The following PRDM2 variants were observed in gnomAD, a reference collection of about 807,000 sequenced individuals.
PRDM2 encodes the protein PR domain zinc finger protein 2.
A neutral mutation model predicts 130.0 loss-of-function variants in PRDM2; 30 were observed. That is an observed-to-expected ratio of 0.23 (90% CI 0.17 to 0.31). The LOEUF (loss-of-function observed/expected upper bound fraction) is 0.31, where lower values mean the gene tolerates loss of function less well. Ranked by LOEUF, PRDM2 falls within the 10% of genes least tolerant of loss-of-function variation. The probability of loss-of-function intolerance (pLI) is 1.00; values close to 1 mark genes in which losing one functional copy is unlikely to be tolerated. For missense variants in PRDM2, 2,011 were observed against 2,108.4 expected, an observed-to-expected ratio of 0.95 and a Z score of 0.90; for synonymous variants, 871 against 782.4, an observed-to-expected ratio of 1.11 and a Z score of -1.89.
At chr1:13,745,825 T>C (rs1002901752) in intron 5 of PRDM2, among the ~76,000 whole-genome samples, 11 of 152,262 alleles carry the variant, frequency 7.2e-5, no homozygotes, top group Non-Finnish European at 1.5e-4. Flanking sequence ...TCTGCAGGGA[T>C]GGATGAGTTT....
In PRDM2 at chr1:13,810,774, G is replaced by A. The variant is rs907085804; in HGVS notation, c.5037-5653G>A. 5.3e-5 allele frequency among the ~76,000 whole-genome samples: 8 copies of A among 152,138 alleles called. 1 individual carries two copies. In the South Asian group the frequency reaches 1.2e-3, roughly 24 times the overall value. ...CTCCCAAAGCACTGGGATTACAGGC[G>A]TGAGCCACCGCACCTGGCTGAAAGC... On this transcript the variant is annotated intron_variant, in intron 8 of 9. Coordinates refer to ENST00000311066, the MANE Select transcript of PRDM2 (RefSeq NM_001393986.1).
Position 13,754,690 on chromosome 1 carries a change from C to T in PRDM2, c.511+5203C>T, listed in dbSNP as rs112806475. 1.6e-4 allele frequency among the ~76,000 whole-genome samples: 24 copies of T among 152,354 alleles called. 1 individual carries two copies. The highest frequency in any genetic ancestry group is 5.5e-4 in the African/African-American group (23 of 41,574). On this transcript the variant is annotated intron_variant, in intron 6 of 9. Transcript: ENST00000311066. ...CAGCAGCTCTGTTTCAGGCTCTAAGCTGAATGACAGAGGCCTGGCTGTGGT... is the reference window on the plus strand; with the variant it reads ...CAGCAGCTCTGTTTCAGGCTCTAAGTTGAATGACAGAGGCCTGGCTGTGGT...
intron 6 of PRDM2, among the ~76,000 whole-genome samples, chr1:13,754,975 G>C (rs1193877123): frequency 6.6e-6 from 1 of 152,112 alleles, no homozygotes; most frequent in Non-Finnish European, 1.5e-5. Context: ...CTGCCTCCTA[G>C]CTGAGGGTGC....
intron 1 of PRDM2, among the ~76,000 whole-genome samples, chr1:13,713,116 C>T (rs1023665570): frequency 1.4e-5 from 2 of 139,450 alleles, no homozygotes; most frequent in African/African-American, 5.5e-5. Context: ...CTTCTCTGAC[C>T]ACACTGTTGA....
Position 13,789,913 on chromosome 1 carries a change from C to T in PRDM2, c.5036+7082C>T, listed in dbSNP as rs564692433. ...ATGGCCTCTTTCCTGCCTGATGGCA[C>T]CACTCCTGCAGCTGCCGCTTCAGGC... is the stretch of plus-strand genomic sequence containing the variant. On this transcript the variant is annotated intron_variant, in intron 8 of 9. Coordinates refer to ENST00000311066, the MANE Select transcript of PRDM2 (RefSeq NM_001393986.1). Among the ~76,000 whole-genome samples the T allele has an allele frequency of 2.0e-5, 3 of 152,352 alleles. No individual in the cohort carries two copies. The South Asian group carries it at 6.2e-4, about 32-fold the overall frequency.
rs1410305627 is a variant in PRDM2 at position 13,764,589 on chromosome 1, A to G, written c.512-8489A>G. On this transcript the variant is annotated intron_variant, in intron 6 of 9. Transcript: ENST00000311066. ...GAAAGCCTTTTTCTGACAGCATAAA[A>G]GCTCGGACTCCCTTCCGATGGATCT... 3.9e-5 allele frequency among the ~76,000 whole-genome samples: 6 copies of G among 152,366 alleles called. No homozygotes were observed. The East Asian group carries it at 1.2e-3, about 29-fold the overall frequency.
chr1:13,819,031 A>C (rs1645304616), intron 9 of PRDM2, among the ~76,000 whole-genome samples: 1 of 152,230 alleles, frequency 6.6e-6, no homozygotes, highest in Non-Finnish European at 1.5e-5. Context: ...AGGCCATGCC[A>C]GGATGAACAA....
At position 13,773,266 on chromosome 1, in the gene PRDM2, G is replaced by A. The variant is rs544623410; in HGVS notation, c.622+78G>A. Reference sequence around the variant, plus strand: ...ATTTAACTTTGTATCTCTTTATATTGTCCTTCTGAGAATCATTTAGGATCT... The same window carrying A: ...ATTTAACTTTGTATCTCTTTATATTATCCTTCTGAGAATCATTTAGGATCT... On this transcript the variant is annotated intron_variant, in intron 7 of 9. Transcript: ENST00000311066. The A allele has an allele frequency of 5.9e-6, 5 of 849,222 alleles. No individual in the cohort carries two copies. The South Asian group carries it at 1.2e-4, about 20-fold the overall frequency. The allele number at this position is 849,222 out of a possible 1,614,324, so 52.6% of individuals were successfully genotyped here.
chr1:13,758,472 A>C (rs1158098359), intron 6 of PRDM2, among the ~76,000 whole-genome samples: 2 of 151,124 alleles, frequency 1.3e-5, no homozygotes. Flanking sequence ...AAAAGTAAGT[A>C]GTTAACACCC....
Position 13,824,857 on chromosome 1 carries a change from G to A in PRDM2, c.*1722G>A, listed in dbSNP as rs1169415029. ...CAGCCCATGGTGAGCTCTGGGAAGT[G>A]TGGTTGAGGCCTTGGGGTCACTCCT... On this transcript the variant is annotated 3_prime_UTR_variant, in exon 10 of 10. Coordinates refer to ENST00000311066, the MANE Select transcript of PRDM2 (RefSeq NM_001393986.1). 1 of 152,660 alleles carries A rather than the reference G, an allele frequency of 6.6e-6. No homozygotes were observed. Among genetic ancestry groups the A allele is most frequent in the Non-Finnish European group, 1.5e-5 (1 of 68,048 alleles). 9.5% of individuals were successfully genotyped at this position (152,660 alleles called of 1,614,324 possible).
intron 6 of PRDM2, among the ~76,000 whole-genome samples, chr1:13,765,904 C>G (rs1644215968): frequency 6.6e-6 from 1 of 152,144 alleles, no homozygotes; most frequent in South Asian, 2.1e-4. Context: ...TTTCTCCTCC[C>G]AGTTAAGCCT....
At chr1:13,750,171 C>T (rs1643777083) in intron 6 of PRDM2, among the ~76,000 whole-genome samples, 1 of 151,934 alleles carries the variant, frequency 6.6e-6, no homozygotes, top group African/African-American at 2.4e-5. Flanking sequence ...TGTAGTCACA[C>T]TTAAAAAGGG....
intron 6 of PRDM2, among the ~76,000 whole-genome samples, chr1:13,767,467 ATTTTTTT>A (rs372707092): frequency 6.1e-5 from 7 of 114,012 alleles, no homozygotes; most frequent in African/African-American, 2.3e-4. Context: ...AATTTTTTCT[ATTTTTTT>A]TTTTTTTTTT....
intron 2 of PRDM2, chr1:13,722,739 A>G: frequency 2.3e-6 from 1 of 439,492 alleles, no homozygotes; most frequent in Non-Finnish European, 4.6e-6. Context: ...AGAGGAGGGG[A>G]TGAGCCCTCA....
chr1:13,795,099 T>A (rs1030805498), intron 8 of PRDM2, among the ~76,000 whole-genome samples: 4 of 152,250 alleles, frequency 2.6e-5, no homozygotes, highest in African/African-American at 9.6e-5. Context: ...TGTAACTTTC[T>A]ATTTCTTTTG....
In PRDM2 at chr1:13,771,201, C is replaced by T. The variant is rs186536258; in HGVS notation, c.512-1877C>T. Among the ~76,000 whole-genome samples, 6 of 152,264 alleles carry T rather than the reference C, an allele frequency of 3.9e-5. No homozygotes were observed. Among genetic ancestry groups the T allele is most frequent in the Middle Eastern group, 3.4e-3 (1 of 294 alleles). The stretch of plus-strand genomic sequence containing the variant: ...GAAAGGTGCTTAGATGTTTGTGCCC[C>T]TTATGGAGGGGATTGGCTTATAATT... On this transcript the variant is annotated intron_variant, in intron 6 of 9. Transcript: ENST00000311066. This position sits in a 1 kb window ranked among gnomAD's most constrained non-coding sequence, Gnocchi z 4.1.
chr1:13,780,834 T>A lies in PRDM2; in HGVS notation c.3039T>A (p.Asn1013Lys). 2 of 1,510,486 alleles carry A rather than the reference T, an allele frequency of 1.3e-6. No homozygotes were observed. The highest frequency in any genetic ancestry group is 1.8e-6 in the Non-Finnish European group (2 of 1,113,712). The allele number at this position is 1,510,486 out of a possible 1,614,324, so 93.6% of individuals were successfully genotyped here. Residue 1013 changes from asparagine to lysine, a missense_variant, in exon 8 of 10, where the codon AAT (asparagine) becomes AAA (lysine). Physicochemically the swap from Asn to Lys is moderately conservative, Grantham distance 94. This residue lies in a region of PRDM2 where 1,288 missense variants were observed against 1,237.7 expected (regional missense o/e 1.04). Transcript: ENST00000311066. Reference protein sequence around the residue: ...SPHPCPSPLSNATAQSPLPIL... With the variant: ...SPHPCPSPLSKATAQSPLPIL... ...ACCCATGCCCCTCTCCACTCTCAAA[T>A]GCCACCGCACAGTCCCCACTTCCAA...
At chr1:13,747,448 TTTTAA>T (rs1473361243) in intron 5 of PRDM2, among the ~76,000 whole-genome samples, 1 of 152,180 alleles carries the variant, frequency 6.6e-6, no homozygotes, top group Non-Finnish European at 1.5e-5. Context: ...TTGATGGCTG[TTTTAA>T]TTTATTAATA....
intron 5 of PRDM2, among the ~76,000 whole-genome samples, chr1:13,745,908 C>T (rs145405429): frequency 2.0e-5 from 3 of 152,200 alleles, no homozygotes; most frequent in Non-Finnish European, 4.4e-5. Context: ...AAAGACCGTG[C>T]TGGGGACTGG....
Sources: allele counts gnomAD v4.1 joint callset (sites outside exome capture counted in the v4.1 genomes callset), GRCh38; gene constraint gnomAD v4.1.1; regional missense constraint gnomAD v4.1.1; non-coding constraint Gnocchi (gnomAD v3.1); transcripts MANE v1.5; gene names NCBI Gene and HGNC (gene_info 2026-07-23, HGNC 2026-07-21).